ZMIZ1: variants seen among roughly 807,000 people sequenced by gnomAD.
The protein encoded by ZMIZ1 is zinc finger MIZ-type containing 1.
A neutral mutation model predicts 113.9 loss-of-function variants in ZMIZ1; 17 were observed. That is an observed-to-expected ratio of 0.15 (90% CI 0.10 to 0.22). ZMIZ1 has a LOEUF of 0.22. Among genes scored for constraint, ZMIZ1 ranks in the 10% least tolerant of loss-of-function variants. The pLI is 1.00. For synonymous variants in ZMIZ1, 607 were observed against 603.1 expected (o/e 1.01, Z -0.09); for missense variants, 1,059 against 1,477.8 (o/e 0.72, Z 4.65).
intron 2 of ZMIZ1, among the ~76,000 whole-genome samples, chr10:79,120,429 G>A (rs1463725941): frequency 6.6e-6 from 1 of 152,198 alleles, no homozygotes; most frequent in African/African-American, 2.4e-5. Context: ...TTCAGAGGTC[G>A]ATGGCTCTGC....
At chr10:79,286,151 G>C (rs1356809984) in intron 8 of ZMIZ1, among the ~76,000 whole-genome samples, 1 of 152,224 alleles carries the variant, frequency 6.6e-6, no homozygotes, top group Non-Finnish European at 1.5e-5. Context: ...CCTGTGACCA[G>C]GTGAAGCAAG....
chr10:79,136,256 TC>T (rs35251314), intron 2 of ZMIZ1, among the ~76,000 whole-genome samples: 1 of 152,016 alleles, frequency 6.6e-6, no homozygotes, highest in Non-Finnish European at 1.5e-5. Context: ...TGGCAAACCT[TC>T]CCCCTCTCCC....
At chr10:79,165,961 T>TGCGCGCGCGCATGCGCGCGCGC (rs1564692690) in intron 4 of ZMIZ1, among the ~76,000 whole-genome samples, 1,028 of 19,778 alleles carry the variant, frequency 0.052, 102 homozygotes, top group African/African-American at 0.15. Flanking sequence ...TGTGTGTGTG[T>TGCGCGCGCGCATGCGCGCGCGC]GTGTGTGTGT....
intron 7 of ZMIZ1, among the ~76,000 whole-genome samples, chr10:79,257,915 G>C (rs942487910): frequency 1.3e-5 from 2 of 152,332 alleles, no homozygotes; most frequent in East Asian, 1.9e-4. Flanking sequence ...AGAGGGAAGG[G>C]ACCTCGCTTT....
chr10:79,162,350 T>C (rs562514952), intron 4 of ZMIZ1, among the ~76,000 whole-genome samples: 1 of 152,260 alleles, frequency 6.6e-6, no homozygotes, highest in South Asian at 2.1e-4. Flanking sequence ...GGCCTTTCTC[T>C]AGAGCAGCTG....
intron 4 of ZMIZ1, among the ~76,000 whole-genome samples, chr10:79,166,048 C>G (rs1846333890): frequency 9.7e-6 from 1 of 103,264 alleles, no homozygotes; most frequent in Admixed American, 1.0e-4. Context: ...CTGCGTGTCT[C>G]TGTCCCATCT....
At chr10:79,089,542 G>A (rs1316655149) in intron 1 of ZMIZ1, among the ~76,000 whole-genome samples, 1 of 152,220 alleles carries the variant, frequency 6.6e-6, no homozygotes, top group Non-Finnish European at 1.5e-5. Flanking sequence ...GGGGTACTGG[G>A]ACTGCTGTGT....
At chr10:79,093,294 TTTATTTATTTATTTA>T (rs1376048403) in intron 1 of ZMIZ1, among the ~76,000 whole-genome samples, 182 of 5,408 alleles carry the variant, frequency 0.034, no homozygotes, top group African/African-American at 0.078. Flanking sequence ...TTTTATTTTA[TTTATTTATTTATTTA>T]TTTATTTATT....
At chr10:79,078,719 A>ATTTTTTCT (rs1842560891) in intron 1 of ZMIZ1, among the ~76,000 whole-genome samples, 1 of 125,082 alleles carries the variant, frequency 8.0e-6, no homozygotes, top group African/African-American at 3.2e-5. Context: ...TAATTTTTGT[A>ATTTTTTCT]TTTTTTTTTT....
chr10:79,134,350 C>T (rs945444122), intron 2 of ZMIZ1, among the ~76,000 whole-genome samples: 4 of 152,244 alleles, frequency 2.6e-5, no homozygotes, highest in African/African-American at 9.6e-5. Context: ...CAGAGTCAGA[C>T]TGCTATTCTA....
chr10:79,210,973 T>G (rs1175834709), intron 6 of ZMIZ1, among the ~76,000 whole-genome samples: 2 of 152,142 alleles, frequency 1.3e-5, no homozygotes, highest in East Asian at 3.9e-4. Context: ...CTCCTGGGCC[T>G]CTGTTCCCTG....
At chr10:79,257,183 G>T (rs1227546693) in intron 7 of ZMIZ1, among the ~76,000 whole-genome samples, 1 of 152,268 alleles carries the variant, frequency 6.6e-6, no homozygotes, top group Non-Finnish European at 1.5e-5. Context: ...CCTGTAAGAG[G>T]ATGGGTGGGT....
At chr10:79,186,287 ACT>A (rs1847349835) in intron 4 of ZMIZ1, among the ~76,000 whole-genome samples, 1 of 151,748 alleles carries the variant, frequency 6.6e-6, no homozygotes, top group Non-Finnish European at 1.5e-5. Flanking sequence ...CCTCGAAGTG[ACT>A]CTCTGTTCCG....
chr10:79,164,640 G>C (rs536863971), intron 4 of ZMIZ1, among the ~76,000 whole-genome samples: 1 of 152,340 alleles, frequency 6.6e-6, no homozygotes, highest in African/African-American at 2.4e-5. Context: ...TGGCAACCAT[G>C]CTATCTCTTC....
At chr10:79,168,934 T>C (rs1846484682) in intron 4 of ZMIZ1, among the ~76,000 whole-genome samples, 1 of 152,196 alleles carries the variant, frequency 6.6e-6, no homozygotes. Context: ...CTTTGGAAGC[T>C]TTTTGCTCAC....
At chr10:79,220,547 C>A (rs1250589) in intron 7 of ZMIZ1, among the ~76,000 whole-genome samples, 13 of 152,086 alleles carry the variant, frequency 8.5e-5, no homozygotes, top group Non-Finnish European at 1.8e-4. Flanking sequence ...CAGTCTGGGC[C>A]ACCTGTCCGC....
intron 1 of ZMIZ1, among the ~76,000 whole-genome samples, chr10:79,094,392 G>A (rs1843102307): frequency 6.6e-6 from 1 of 152,236 alleles, no homozygotes; most frequent in South Asian, 2.1e-4. Context: ...ATTGCATAGA[G>A]GCTGCCAGAC....
chr10:79,161,973 G>T lies in ZMIZ1; in HGVS notation c.-130-80G>T, dbSNP rs562320576. On this transcript the variant is annotated intron_variant, in intron 3 of 24. Coordinates refer to ENST00000334512, the MANE Select transcript of ZMIZ1 (RefSeq NM_020338.4). ...CCCTCTGTCAGATGGGGATGATATG[G>T]TGGCAGTGGGCAGTGGCCTCATGGT... is the stretch of plus-strand genomic sequence containing the variant. 17 of 398,968 alleles carry T rather than the reference G, an allele frequency of 4.3e-5. No individual in the cohort carries two copies. The South Asian group carries it at 2.0e-3, about 48-fold the overall frequency. 24.7% of individuals were successfully genotyped at this position (398,968 alleles called of 1,614,324 possible).
At position 79,250,232 on chromosome 10, in the gene ZMIZ1, G is replaced by GC. The variant is rs568020303; in HGVS notation, c.281-26944dup. Among the ~76,000 whole-genome samples, 34 of 152,294 alleles carry GC rather than the reference G, an allele frequency of 2.2e-4. No homozygotes were observed. In the East Asian group the frequency reaches 3.5e-3, roughly 16 times the overall value. ...TTCTCTCCACCCAGCTCCACCACCA[G>GC]CCCCCTTCTGTCTGAGCCTCAGTTT... On this transcript the variant is annotated intron_variant, in intron 7 of 24. Transcript: ENST00000334512.
Sources: allele counts gnomAD v4.1 joint callset (sites outside exome capture counted in the v4.1 genomes callset), GRCh38; gene constraint gnomAD v4.1.1; transcripts MANE v1.5; gene names NCBI Gene and HGNC (gene_info 2026-07-23, HGNC 2026-07-21).